The following HEATR5A variants were observed in gnomAD, a reference collection of about 807,000 sequenced individuals.
The protein encoded by HEATR5A is HEAT repeat containing 5A.
Under a neutral mutation model 218.8 loss-of-function variants are expected in HEATR5A, and 178 were observed. The ratio of observed to expected loss-of-function variants is 0.81; its 90% CI spans 0.72 to 0.92. The LOEUF (loss-of-function observed/expected upper bound fraction) is 0.92, where lower values mean the gene tolerates loss of function less well. HEATR5A is among the 40% of genes least tolerant of loss of function. HEATR5A has a pLI of 0.00. For synonymous variants in HEATR5A, 864 were observed against 871.6 expected (o/e 0.99, Z 0.15); for missense variants, 2,420 against 2,418.9 (o/e 1.00, Z -0.01).
intron 13 of HEATR5A, among the ~76,000 whole-genome samples, chr14:31,367,569 ATTTTTTTTTTTTTT>A (rs567217496): frequency 1.7e-5 from 1 of 60,296 alleles, no homozygotes; most frequent in East Asian, 5.9e-4. Context: ...TGCCCAGCTA[ATTTTTTTTTTTTTT>A]TTTTTTTTTT....
At chr14:31,304,435 T>C (rs571730190) in intron 32 of HEATR5A, among the ~76,000 whole-genome samples, 4 of 152,294 alleles carry the variant, frequency 2.6e-5, no homozygotes, top group South Asian at 4.1e-4. Flanking sequence ...CTTTTTTTTT[T>C]AGACATAATT....
Position 31,380,957 on chromosome 14 carries a change from T to C in HEATR5A, c.1597-379A>G, listed in dbSNP as rs939416484. ...CTTACAGGAGTCTCTCTCTTAAAAATGCTACATACAGCCAGGTGCGGTGGC... is the reference window on the plus strand; with the variant it reads ...CTTACAGGAGTCTCTCTCTTAAAAACGCTACATACAGCCAGGTGCGGTGGC... On this transcript the variant is annotated intron_variant, in intron 10 of 35. Transcript: ENST00000543095. 2.6e-5 allele frequency among the ~76,000 whole-genome samples: 4 copies of C among 152,146 alleles called. No individual in the cohort carries two copies. The South Asian group carries it at 8.3e-4, about 32-fold the overall frequency.
rs760818844 is a variant in HEATR5A at position 31,313,015 on chromosome 14, G to A, written c.4394C>T (p.Ala1465Val). The A allele has an allele frequency of 1.4e-5, 23 of 1,613,874 alleles. No homozygotes were observed. The highest frequency in any genetic ancestry group is 1.9e-5 in the Non-Finnish European group (23 of 1,179,882). ...AAATTCTGAAGGCAAAGTTAAAAGA[G>A]CAAAATCCTGAAGTGCAGCAAGCCA... ...RLWLAALQDF[A>V]LLTLPSEFAS... Residue 1465 changes from alanine (A) to valine (V), a missense_variant, in exon 28 of 36, where the codon GCT becomes GTT. By Grantham distance (64) the Ala-to-Val change is moderately conservative (BLOSUM62 0). Transcript: ENST00000543095.
chr14:31,344,168 T>TG, intron 20 of HEATR5A, 103 bp from the exon 21 acceptor site: 1 of 589,204 alleles, frequency 1.7e-6, no homozygotes, highest in East Asian at 3.3e-5. Context: ...TAAACATATA[T>TG]TACAGGTTTT....
chr14:31,390,804 TTATG>T lies in HEATR5A; in HGVS notation c.773-1803_773-1800del, dbSNP rs1463445634. Among the ~76,000 whole-genome samples the T allele has an allele frequency of 3.3e-5, 5 of 151,640 alleles. No homozygotes were observed. In the East Asian group the frequency reaches 9.6e-4, roughly 29 times the overall value. On this transcript the variant is annotated intron_variant, in intron 6 of 35. Transcript: ENST00000543095. ...TTGATAATAAACAACTGTTACTGGTTTATGTATTTATTATACTTTTTATTGTTAT... is the reference window on the plus strand; with the variant it reads ...TTGATAATAAACAACTGTTACTGGTTTATTTATTATACTTTTTATTGTTAT...
chr14:31,330,314 C>A (rs977865663), intron 22 of HEATR5A, among the ~76,000 whole-genome samples: 1 of 152,148 alleles, frequency 6.6e-6, no homozygotes, highest in African/African-American at 2.4e-5. Context: ...GTACCTTGGT[C>A]CCTTTTAGCC....
At chr14:31,409,536 C>T (rs2031203271) in intron 1 of HEATR5A, among the ~76,000 whole-genome samples, 1 of 152,076 alleles carries the variant, frequency 6.6e-6, no homozygotes, top group Non-Finnish European at 1.5e-5. Flanking sequence ...CCTGTCTCCA[C>T]AAAACATACA....
intron 21 of HEATR5A, among the ~76,000 whole-genome samples, chr14:31,343,249 C>T (rs527408308): frequency 2.0e-5 from 3 of 152,228 alleles, no homozygotes; most frequent in South Asian, 2.1e-4. Context: ...CCCACCACCA[C>T]GCCCAGCTAA....
intron 28 of HEATR5A, among the ~76,000 whole-genome samples, chr14:31,309,486 T>C (rs1899666898): frequency 6.6e-6 from 1 of 152,222 alleles, no homozygotes; most frequent in Admixed American, 6.5e-5. Context: ...GTGTTATCAG[T>C]ATTTTGTTAT....
At chr14:31,412,362 C>T (rs965545997) in intron 1 of HEATR5A, among the ~76,000 whole-genome samples, 4 of 150,270 alleles carry the variant, frequency 2.7e-5, no homozygotes, top group Non-Finnish European at 4.4e-5. Context: ...TTTGGGAGGT[C>T]GAGGCGGGTG....
rs183005469 is a variant in HEATR5A at position 31,292,443 on chromosome 14, T to G, written c.*862A>C. ...ACCATGATATAGACACCAAATCTTA[T>G]GTTGCACTGTAAGGCTGTAAGTAAT... On this transcript the variant is annotated 3_prime_UTR_variant, in exon 36 of 36. Coordinates refer to ENST00000543095, the MANE Select transcript of HEATR5A (RefSeq NM_015473.4). 6.6e-6 allele frequency: 1 copy of G among 152,234 alleles called. No homozygotes were observed. Among genetic ancestry groups the G allele is most frequent in the South Asian group, 2.1e-4 (1 of 4,834 alleles). 9.4% of individuals were successfully genotyped at this position (152,234 alleles called of 1,614,324 possible).
At chr14:31,310,598 C>T (rs1379879689) in intron 28 of HEATR5A, among the ~76,000 whole-genome samples, 1 of 152,022 alleles carries the variant, frequency 6.6e-6, no homozygotes, top group South Asian at 2.1e-4. Flanking sequence ...CGAGATCAAG[C>T]CACTGCCCTC....
intron 1 of HEATR5A, among the ~76,000 whole-genome samples, chr14:31,409,948 T>C (rs977367963): frequency 5.3e-5 from 8 of 152,202 alleles, no homozygotes; most frequent in Non-Finnish European, 1.0e-4. Context: ...CTAATCTTCT[T>C]GGTCATTTTA....
At chr14:31,386,808 C>T (rs1037816349) in intron 8 of HEATR5A, among the ~76,000 whole-genome samples, 1 of 152,062 alleles carries the variant, frequency 6.6e-6, no homozygotes, top group Non-Finnish European at 1.5e-5. Flanking sequence ...CTTATTACTC[C>T]CTTAGCAAGT....
At chr14:31,345,375 C>T in intron 19 of HEATR5A, 99 bp from the exon 20 acceptor site, 2 of 918,074 alleles carry the variant, frequency 2.2e-6, no homozygotes, top group Non-Finnish European at 1.6e-6. Context: ...GATAAAGTAA[C>T]AGCAAATGTG....
intron 14 of HEATR5A, 119 bp from the exon 15 acceptor site, chr14:31,359,176 A>G: frequency 1.1e-6 from 1 of 923,246 alleles, no homozygotes; most frequent in Non-Finnish European, 1.6e-6. Flanking sequence ...ATCACAGCCA[A>G]AAGACTGTAT....
chr14:31,349,870 G>A lies in HEATR5A; in HGVS notation c.2627C>T (p.Ala876Val). The A allele has an allele frequency of 6.2e-7, 1 of 1,612,626 alleles. No homozygotes were observed. Among genetic ancestry groups the A allele is most frequent in the Non-Finnish European group, 8.5e-7 (1 of 1,178,882 alleles). Reference protein sequence around the residue: ...ESPNPLLRCAAAESWARLAQV... With the variant: ...ESPNPLLRCAVAESWARLAQV... The stretch of plus-strand genomic sequence containing the variant: ...GGCTAATCTAGCCCATGACTCTGCA[G>A]CTGCACATCTCAGCAAGGGGTTGGG... Residue 876 changes from alanine (A) to valine (V), a missense_variant, in exon 18 of 36, where the codon GCT (alanine) becomes GTT (valine). Coordinates refer to ENST00000543095, the MANE Select transcript of HEATR5A (RefSeq NM_015473.4).
intron 22 of HEATR5A, among the ~76,000 whole-genome samples, chr14:31,332,740 C>CT (rs1407173758): frequency 6.6e-6 from 1 of 152,132 alleles, no homozygotes; most frequent in African/African-American, 2.4e-5. Context: ...AATCCCAGCA[C>CT]TTTGAGAGAC....
At position 31,371,211 on chromosome 14, in the gene HEATR5A, T is replaced by C. The variant is rs373633649; in HGVS notation, c.1961+599A>G. Among the ~76,000 whole-genome samples, 8 of 152,362 alleles carry C rather than the reference T, an allele frequency of 5.3e-5. No individual in the cohort carries two copies. In the South Asian group the frequency reaches 1.0e-3, roughly 20 times the overall value. ...TCTGTATATCCTAAAGTATTTACTA[T>C]CTGGTCCTTCAGAAGAAACAGTCAC... On this transcript the variant is annotated intron_variant, in intron 13 of 35. Coordinates refer to ENST00000543095, the MANE Select transcript of HEATR5A (RefSeq NM_015473.4).
Sources: gnomAD v4.1 joint callset for allele counts (sites outside exome capture counted in the v4.1 genomes callset) on GRCh38, gnomAD v4.1.1 for gene constraint, MANE v1.5 for transcripts, NCBI Gene and HGNC (gene_info 2026-07-23, HGNC 2026-07-21) for gene names.